The following ZMIZ1 variants were observed in gnomAD, a reference collection of about 807,000 sequenced individuals.
ZMIZ1 encodes the protein zinc finger MIZ domain-containing protein 1.
In ZMIZ1, 17 loss-of-function variants were observed where a neutral mutation model predicts 113.9. That is an observed-to-expected ratio of 0.15 (90% CI 0.10 to 0.22). ZMIZ1 has a LOEUF of 0.22. ZMIZ1 is among the 10% of genes least tolerant of loss of function. The probability of loss-of-function intolerance (pLI) is 1.00; values close to 1 mark genes in which losing one functional copy is unlikely to be tolerated. For synonymous variants in ZMIZ1, 607 were observed against 603.1 expected, an observed-to-expected ratio of 1.01 and a Z score of -0.09; for missense variants, 1,059 against 1,477.8, an observed-to-expected ratio of 0.72 and a Z score of 4.65.
chr10:79,074,669 G>A (rs918694512), intron 1 of ZMIZ1, among the ~76,000 whole-genome samples: 3 of 152,250 alleles, frequency 2.0e-5, no homozygotes, highest in Non-Finnish European at 4.4e-5. Context: ...TCAGTCCCCA[G>A]GCTATGTGGG....
rs890775842 is a variant in ZMIZ1 at position 79,186,425 on chromosome 10, C to G, written c.-49-15159C>G. On this transcript the variant is annotated intron_variant, in intron 4 of 24. Transcript: ENST00000334512. ...CCAGGCTGTGTGCCTGCTAGAAGCCCTGGGCAGGAAGGGGCTTGGTGGGGC... is the reference window on the plus strand; with the variant it reads ...CCAGGCTGTGTGCCTGCTAGAAGCCGTGGGCAGGAAGGGGCTTGGTGGGGC... 1.8e-4 allele frequency among the ~76,000 whole-genome samples: 28 copies of G among 152,226 alleles called. 1 individual carries two copies. Among genetic ancestry groups the G allele is most frequent in the African/African-American group, 6.8e-4 (28 of 41,464 alleles).
chr10:79,124,517 G>A (rs1169311266), intron 2 of ZMIZ1, among the ~76,000 whole-genome samples: 1 of 152,216 alleles, frequency 6.6e-6, no homozygotes, highest in Non-Finnish European at 1.5e-5. Flanking sequence ...CAGCCAGCTT[G>A]GTGTTGAACA....
At chr10:79,263,755 A>C (rs564338543) in intron 7 of ZMIZ1, among the ~76,000 whole-genome samples, 4 of 151,640 alleles carry the variant, frequency 2.6e-5, no homozygotes, top group Admixed American at 1.3e-4. Flanking sequence ...AGTACATGAC[A>C]AGGTCTCTCG....
chr10:79,281,723 G>A (rs1051471223), intron 8 of ZMIZ1, among the ~76,000 whole-genome samples: 2 of 152,234 alleles, frequency 1.3e-5, no homozygotes, highest in South Asian at 2.1e-4. Flanking sequence ...AGGCTTCCTC[G>A]TGGGAGCACA....
At chr10:79,311,422 A>T (rs1855154006) in intron 24 of ZMIZ1, among the ~76,000 whole-genome samples, 1 of 151,850 alleles carries the variant, frequency 6.6e-6, no homozygotes, top group East Asian at 1.9e-4. Flanking sequence ...ATAGCCCTGA[A>T]CCCCAGCCCT....
chr10:79,085,966 C>T (rs929094260), intron 1 of ZMIZ1, among the ~76,000 whole-genome samples: 5 of 152,172 alleles, frequency 3.3e-5, no homozygotes, highest in Non-Finnish European at 5.9e-5. Flanking sequence ...ATCTCTGCCA[C>T]TCATCAGCTT....
chr10:79,274,198 C>T (rs529506378), intron 7 of ZMIZ1, among the ~76,000 whole-genome samples: 13 of 152,374 alleles, frequency 8.5e-5, no homozygotes, highest in Admixed American at 3.9e-4. Context: ...ACTGACACTG[C>T]CCTCCCATTG....
intron 8 of ZMIZ1, among the ~76,000 whole-genome samples, chr10:79,283,951 G>C (rs764117811): frequency 4.6e-5 from 7 of 152,212 alleles, no homozygotes. Flanking sequence ...GCACGGAGAC[G>C]GGACCAGTAT....
chr10:79,296,420 G>A lies in ZMIZ1; in HGVS notation c.1231-51G>A. 1 of 1,600,764 alleles carries A rather than the reference G, an allele frequency of 6.2e-7. No individual in the cohort carries two copies. Among genetic ancestry groups the A allele is most frequent in the Non-Finnish European group, 8.5e-7 (1 of 1,170,128 alleles). ...CGTTGTTCAGGTGACCTGGCTATGT[G>A]ACGTTGGCAACATTGAACGTGTTTC... On this transcript the variant is annotated intron_variant, in intron 12 of 24. Coordinates refer to ENST00000334512, the MANE Select transcript of ZMIZ1 (RefSeq NM_020338.4). The surrounding 1 kb of genome is among the most constrained non-coding windows in gnomAD (Gnocchi z 4.1).
chr10:79,073,588 T>G (rs914360244), intron 1 of ZMIZ1, among the ~76,000 whole-genome samples: 12 of 152,124 alleles, frequency 7.9e-5, no homozygotes, highest in East Asian at 5.8e-4. Context: ...GACCATAGAC[T>G]CGTTCTTTCC....
chr10:79,112,001 G>T (rs1202347934), intron 1 of ZMIZ1, among the ~76,000 whole-genome samples: 5 of 152,206 alleles, frequency 3.3e-5, no homozygotes, highest in Non-Finnish European at 7.3e-5. Flanking sequence ...TAATGGCATA[G>T]GCAAAGGCCC....
chr10:79,290,002 C>T, intron 9 of ZMIZ1, 113 bp downstream of exon 9: 1 of 1,082,408 alleles, frequency 9.2e-7, no homozygotes, highest in South Asian at 1.5e-5. Flanking sequence ...GCTGGAAAGA[C>T]CAGCTTCCAG....
At chr10:79,153,885 G>T (rs1297805921) in intron 3 of ZMIZ1, among the ~76,000 whole-genome samples, 1 of 152,228 alleles carries the variant, frequency 6.6e-6, no homozygotes, top group Admixed American at 6.5e-5. Context: ...CTTCAGACTG[G>T]CCTGGCCCAC....
chr10:79,306,807 C>T (rs1854732414), intron 22 of ZMIZ1, among the ~76,000 whole-genome samples: 1 of 152,182 alleles, frequency 6.6e-6, no homozygotes, highest in Non-Finnish European at 1.5e-5. Flanking sequence ...GGTGGCAGCT[C>T]CCCCTGGGAT....
intron 3 of ZMIZ1, among the ~76,000 whole-genome samples, chr10:79,149,694 C>T (rs904563501): frequency 6.6e-6 from 1 of 152,226 alleles, no homozygotes. Flanking sequence ...TGGGGTGGCA[C>T]GCCTTCTGCA....
intron 1 of ZMIZ1, among the ~76,000 whole-genome samples, chr10:79,088,646 C>T (rs1460442913): frequency 6.6e-6 from 1 of 152,202 alleles, no homozygotes; most frequent in Non-Finnish European, 1.5e-5. Context: ...TTAGGGGTCC[C>T]TGGGCCAGGA....
intron 6 of ZMIZ1, among the ~76,000 whole-genome samples, chr10:79,214,390 T>C (rs1333501475): frequency 1.3e-5 from 2 of 152,204 alleles, no homozygotes; most frequent in East Asian, 3.8e-4. Context: ...ACATTAGCCC[T>C]ACACAGAGGG....
intron 3 of ZMIZ1, among the ~76,000 whole-genome samples, chr10:79,159,972 T>C (rs1235205984): frequency 6.6e-6 from 1 of 152,244 alleles, no homozygotes; most frequent in Non-Finnish European, 1.5e-5. Context: ...GCCTGGCCGA[T>C]GCTCACTGGG....
At chr10:79,137,991 G>C (rs985131011) in intron 2 of ZMIZ1, among the ~76,000 whole-genome samples, 3 of 152,152 alleles carry the variant, frequency 2.0e-5, no homozygotes, top group Non-Finnish European at 4.4e-5. Context: ...GTCCCGTCCC[G>C]AGGCCACTCC....
Sources: gnomAD v4.1 joint callset for allele counts (sites outside exome capture counted in the v4.1 genomes callset) on GRCh38, gnomAD v4.1.1 for gene constraint, Gnocchi (gnomAD v3.1) non-coding constraint, MANE v1.5 for transcripts, NCBI Gene and HGNC (gene_info 2026-07-23, HGNC 2026-07-21) for gene names.